RNF34: variants seen among roughly 807,000 people sequenced by gnomAD.
RNF34 encodes E3 ubiquitin-protein ligase RNF34.
Under a neutral mutation model 37.9 loss-of-function variants are expected in RNF34, and 12 were observed. The observed-to-expected ratio is 0.32, with a 90% confidence interval of 0.20 to 0.51. RNF34 has a LOEUF of 0.51. RNF34 is among the 20% of genes least tolerant of loss of function. The probability of loss-of-function intolerance (pLI) is 0.97; values close to 1 mark genes in which losing one functional copy is unlikely to be tolerated. For missense variants in RNF34, 362 were observed against 472.7 expected, an observed-to-expected ratio of 0.77 and a Z score of 2.17; for synonymous variants, 155 against 177.2, an observed-to-expected ratio of 0.87 and a Z score of 1.00.
chr12:121,418,214 AAGT>A (rs1269639868), intron 3 of RNF34: 6 of 333,962 alleles, frequency 1.8e-5, no homozygotes, highest in African/African-American at 4.2e-5. Flanking sequence ...GGCTGTGAAA[AAGT>A]AGCACATACA....
At position 121,420,671 on chromosome 12, in the gene RNF34, A is replaced by G; in HGVS notation, c.821A>G (p.Glu274Gly). 6.2e-7 allele frequency: 1 copy of G among 1,614,166 alleles called. No individual in the cohort carries two copies. Among genetic ancestry groups the G allele is most frequent in the Admixed American group, 1.7e-5 (1 of 60,016 alleles). The change falls in exon 5 of 6, where the codon GAA (glutamate) becomes GGA (glycine). Residue 274 changes from glutamate to glycine, a missense_variant. Transcript: ENST00000361234. The stretch of plus-strand genomic sequence containing the variant: ...GGAATGAGCGTGCGCCAGCTGAAGG[A>G]AATTCTGGCTCGGAATTTTGTCAAC... The part of the protein sequence containing the change: ...VEGMSVRQLK[E>G]ILARNFVNYS...
intron 1 of RNF34, among the ~76,000 whole-genome samples, chr12:121,415,752 G>A (rs1268232298): frequency 6.6e-6 from 1 of 151,734 alleles, no homozygotes; most frequent in Non-Finnish European, 1.5e-5. Context: ...AATACAGGGT[G>A]CCTGAAAATT....
intron 3 of RNF34, chr12:121,418,155 T>C (rs1050469316): frequency 2.0e-6 from 1 of 507,862 alleles, no homozygotes; most frequent in South Asian, 2.6e-5. Flanking sequence ...CTCTTGGCCT[T>C]AGTTAATTTC....
At chr12:121,413,110 C>G (rs1555281573) in intron 1 of RNF34, among the ~76,000 whole-genome samples, 1 of 148,772 alleles carries the variant, frequency 6.7e-6, no homozygotes, top group Non-Finnish European at 1.5e-5. Flanking sequence ...ACTGCAACCT[C>G]CGCCTCCCCG....
Position 121,421,371 on chromosome 12 carries a change from T to TAAAAAAA in RNF34, c.928+614_928+620dup, listed in dbSNP as rs11398833. On this transcript the variant is annotated intron_variant, in intron 5 of 5. Coordinates refer to ENST00000361234, the MANE Select transcript of RNF34 (RefSeq NM_025126.4). ...GGGCAACATAGAGAGATCCCATCTC[T>TAAAAAAA]AAAAAAAAAAAAAAAAAAAAAAAAA... 7.3e-4 allele frequency among the ~76,000 whole-genome samples: 34 copies of TAAAAAAA among 46,350 alleles called. 1 individual carries two copies. Among genetic ancestry groups the TAAAAAAA allele is most frequent in the Admixed American group, 2.0e-3 (6 of 3,068 alleles). 30.4% of individuals were successfully genotyped at this position (46,350 alleles called of 152,430 possible). A position where few individuals can be genotyped will look rare whatever the true frequency, so the allele number is the denominator to read the frequency against.
At chr12:121,410,106 A>G (rs1555281190) in intron 1 of RNF34, among the ~76,000 whole-genome samples, 1 of 151,906 alleles carries the variant, frequency 6.6e-6, no homozygotes, top group Non-Finnish European at 1.5e-5. Flanking sequence ...GTGAGCCAAG[A>G]TCGTGCCATC....
intron 1 of RNF34, among the ~76,000 whole-genome samples, chr12:121,412,476 C>A (rs1871174217): frequency 1.3e-5 from 2 of 151,790 alleles, no homozygotes; most frequent in African/African-American, 4.8e-5. Flanking sequence ...ATCTCCTGAC[C>A]TCATGATCTG....
chr12:121,421,371 TAAAAAAAAA>T (rs11398833), intron 5 of RNF34, among the ~76,000 whole-genome samples: 7 of 46,378 alleles, frequency 1.5e-4, no homozygotes, highest in South Asian at 1.9e-3. Flanking sequence ...ATCCCATCTC[TAAAAAAAAA>T]AAAAAAAAAA....
chr12:121,402,812 C>T (rs1555280185), intron 1 of RNF34: 2 of 1,582,568 alleles, frequency 1.3e-6, no homozygotes, highest in South Asian at 1.1e-5. Flanking sequence ...AGGAAGGTAA[C>T]ATTTGTATCT....
intron 1 of RNF34, among the ~76,000 whole-genome samples, chr12:121,401,912 A>G (rs1870032695): frequency 6.6e-6 from 1 of 152,226 alleles, no homozygotes; most frequent in Non-Finnish European, 1.5e-5. Flanking sequence ...TGACAGTTAT[A>G]AATGATGCTT....
At chr12:121,410,939 T>C (rs868983897) in intron 1 of RNF34, among the ~76,000 whole-genome samples, 31 of 152,320 alleles carry the variant, frequency 2.0e-4, no homozygotes, top group African/African-American at 5.3e-4. Context: ...TGGGCTTTTT[T>C]GTTGTTTGTT....
At chr12:121,413,846 A>G (rs1555281751) in intron 1 of RNF34, among the ~76,000 whole-genome samples, 4 of 152,134 alleles carry the variant, frequency 2.6e-5, no homozygotes, top group Non-Finnish European at 4.4e-5. Flanking sequence ...AAGTGCTGGC[A>G]TTACAGGTGT....
chr12:121,414,253 G>A (rs1593665239), intron 1 of RNF34, among the ~76,000 whole-genome samples: 2 of 152,160 alleles, frequency 1.3e-5, no homozygotes, highest in South Asian at 2.1e-4. Flanking sequence ...CAGCTATCTC[G>A]ACTTCCATTA....
intron 3 of RNF34, among the ~76,000 whole-genome samples, chr12:121,419,041 G>A (rs1045001862): frequency 2.6e-5 from 4 of 152,134 alleles, no homozygotes; most frequent in African/African-American, 4.8e-5. Context: ...TAAATGCAGA[G>A]GGAAATTTGG....
intron 1 of RNF34, among the ~76,000 whole-genome samples, chr12:121,402,328 TAAAC>T (rs1280984869): frequency 6.6e-6 from 1 of 152,066 alleles, no homozygotes; most frequent in Non-Finnish European, 1.5e-5. Context: ...CAGTTAAAAA[TAAAC>T]AAGAAAAGCT....
At chr12:121,410,937 TTTG>T (rs1486947818) in intron 1 of RNF34, among the ~76,000 whole-genome samples, 1 of 152,164 alleles carries the variant, frequency 6.6e-6, no homozygotes, top group African/African-American at 2.4e-5. Context: ...CTTGGGCTTT[TTTG>T]TTGTTTGTTT....
At chr12:121,406,983 G>A (rs1339303334) in intron 1 of RNF34, among the ~76,000 whole-genome samples, 7 of 152,074 alleles carry the variant, frequency 4.6e-5, no homozygotes, top group African/African-American at 9.7e-5. Context: ...ATTGAGTGAC[G>A]CTAAAGTTTG....
chr12:121,420,265 A>G lies in RNF34; in HGVS notation c.657A>G (p.Ala219=), dbSNP rs782583004. 5 of 1,606,024 alleles carry G rather than the reference A, an allele frequency of 3.1e-6. No individual in the cohort carries two copies. The Admixed American group carries it at 8.4e-5, about 27-fold the overall frequency. Residue 219 remains alanine, a synonymous_variant, in exon 4 of 6, where the codon GCA becomes GCG. Transcript: ENST00000361234. ...AGGTACAAAGTGAAATCACTTCAGC[A>G]AACACAGAAGATGATGATGACGACG... ...PAQVQSEITS[A]NTEDDDDDDD...
At chr12:121,400,255 C>T (rs1555279834) in intron 1 of RNF34, 37 bp downstream of exon 1, 3 of 1,603,920 alleles carry the variant, frequency 1.9e-6, no homozygotes, top group Non-Finnish European at 2.6e-6. Flanking sequence ...CCCTCCTCGC[C>T]AATCCTATCC....
Sources: gnomAD v4.1 joint callset for allele counts (sites outside exome capture counted in the v4.1 genomes callset) on GRCh38, gnomAD v4.1.1 for gene constraint, MANE v1.5 for transcripts, NCBI Gene and HGNC (gene_info 2026-07-23, HGNC 2026-07-21) for gene names.